MET: variants seen among roughly 807,000 people sequenced by gnomAD.
The protein encoded by MET is hepatocyte growth factor receptor.
In MET, 48 loss-of-function variants were observed where a neutral mutation model predicts 133.1. The ratio of observed to expected loss-of-function variants is 0.36; its 90% CI spans 0.29 to 0.46. MET has a LOEUF of 0.46. MET is among the 20% of genes least tolerant of loss of function. MET has a pLI of 1.00. For missense variants in MET, 1,442 were observed against 1,695.9 expected (o/e 0.85, Z 2.63); for synonymous variants, 628 against 616.5 (o/e 1.02, Z -0.28).
At chr7:116,741,067 G>GTTTTTTTTT in intron 5 of MET, 42 bp downstream of exon 5, 1 of 1,348,788 alleles carries the variant, frequency 7.4e-7, no homozygotes, top group South Asian at 1.3e-5. Context: ...TTTGTTTGGT[G>GTTTTTTTTT]TTTTTTTTTT....
Position 116,796,117 on chromosome 7 carries a change from C to T in MET, c.4166C>T (p.Thr1389Ile), listed in dbSNP as rs1204472220. 1.9e-6 allele frequency: 3 copies of T among 1,613,586 alleles called. No homozygotes were observed. Among genetic ancestry groups the T allele is most frequent in the East Asian group, 2.2e-5 (1 of 44,884 alleles). ...VDTRPASFWE[T>I]S ...ACACGACCAGCCTCCTTCTGGGAGA[C>T]ATCATAGTGCTAGTACTATGTCAAA... The change falls in exon 21 of 21, where the codon ACA (threonine) becomes ATA (isoleucine). Residue 1389 changes from threonine to isoleucine, a missense_variant. Transcript: ENST00000397752.
At chr7:116,752,608 C>T (rs1793967159) in intron 5 of MET, among the ~76,000 whole-genome samples, 1 of 152,172 alleles carries the variant, frequency 6.6e-6, no homozygotes, top group Admixed American at 6.5e-5. Context: ...AAATGCCCAG[C>T]CCAGAGAGAA....
At chr7:116,778,328 G>T (rs1266967070) in intron 16 of MET, among the ~76,000 whole-genome samples, 1 of 152,136 alleles carries the variant, frequency 6.6e-6, no homozygotes, top group Admixed American at 6.6e-5. Context: ...AACTTTATAT[G>T]GGACTTAATA....
chr7:116,767,268 A>G (rs2116972843), intron 11 of MET, among the ~76,000 whole-genome samples: 1 of 152,340 alleles, frequency 6.6e-6, no homozygotes, highest in East Asian at 1.9e-4. Flanking sequence ...GTGAATACTC[A>G]ATAGAAACAT....
rs2117111027 is a variant in MET, at chr7:116,795,930, C to T, written c.3979C>T (p.Arg1327Cys). 3 of 1,614,162 alleles carry T rather than the reference C, an allele frequency of 1.9e-6. No individual in the cohort carries two copies. The highest frequency in any genetic ancestry group is 2.2e-5 in the East Asian group (1 of 44,882). The change falls in exon 21 of 21, where the codon CGC (arginine) becomes TGC (cysteine). Residue 1327 changes from arginine to cysteine, a missense_variant. This residue lies in a region of MET where 94 missense variants were observed against 109.5 expected (regional missense o/e 0.86). Transcript: ENST00000397752. ...LKCWHPKAEM[R>C]PSFSELVSRI... ...ATGCTGGCACCCTAAAGCCGAAATG[C>T]GCCCATCCTTTTCTGAACTGGTGTC...
intron 1 of MET, among the ~76,000 whole-genome samples, chr7:116,673,115 T>A (rs965212785): frequency 6.6e-6 from 1 of 152,182 alleles, no homozygotes; most frequent in Non-Finnish European, 1.5e-5. Context: ...GTGGTGGACA[T>A]CTATCTTATT....
intron 3 of MET, among the ~76,000 whole-genome samples, chr7:116,735,818 C>A (rs1161781865): frequency 3.4e-5 from 5 of 149,204 alleles, no homozygotes; most frequent in African/African-American, 5.0e-5. Context: ...GCTCTGTTGC[C>A]CAGGCTGGAG....
At position 116,795,714 on chromosome 7, in the gene MET, C is replaced by T. The variant is rs41736; in HGVS notation, c.3858C>T (p.Asp1286=). 0.43 allele frequency: 697,641 copies of T among 1,613,762 alleles called. 156,030 individuals carry two copies. Among genetic ancestry groups the T allele is most frequent in the Admixed American group, 0.49 (29,564 of 59,982 alleles). Residue 1286 remains aspartate (D), a synonymous_variant, in exon 20 of 21, where the codon GAC becomes GAT. Coordinates refer to ENST00000397752, the MANE Select transcript of MET (RefSeq NM_000245.4). ...CAAGAGGAGCCCCACCTTATCCTGA[C>T]GTAAACACCTTTGATATAACTGTTT... ...LMTRGAPPYP[D]VNTFDITVYL...
Position 116,797,394 on chromosome 7 carries a change from G to A in MET, c.*1270G>A. On this transcript the variant is annotated 3_prime_UTR_variant, in exon 21 of 21. Coordinates refer to ENST00000397752, the MANE Select transcript of MET (RefSeq NM_000245.4). ...CAAGCAATTGGAAACAAAACTTTTG[G>A]GGAGTTTTATTTTGCATTAGGGTGT... 1 of 227,916 alleles carries A rather than the reference G, an allele frequency of 4.4e-6. No individual in the cohort carries two copies. The highest frequency in any genetic ancestry group is 6.3e-5 in the East Asian group (1 of 15,872). The allele number at this position is 227,916 out of a possible 1,614,324, so 14.1% of individuals were successfully genotyped here. A position where few individuals can be genotyped will look rare whatever the true frequency, so the allele number is the denominator to read the frequency against.
chr7:116,672,881 C>G (rs1419119600), intron 1 of MET, among the ~76,000 whole-genome samples: 2 of 152,140 alleles, frequency 1.3e-5, no homozygotes, highest in East Asian at 3.9e-4. Context: ...TGGGATCTGA[C>G]TCAGCCCTTA....
chr7:116,704,996 T>C (rs1791733572), intron 2 of MET, among the ~76,000 whole-genome samples: 1 of 152,040 alleles, frequency 6.6e-6, no homozygotes, highest in Non-Finnish European at 1.5e-5. Flanking sequence ...CCATCTCCGT[T>C]TCACAGAATG....
chr7:116,777,253 A>G (rs561187150), intron 15 of MET, 136 bp from the exon 16 acceptor site: 9 of 767,898 alleles, frequency 1.2e-5, no homozygotes, highest in South Asian at 1.1e-4. Flanking sequence ...TGGTATTGTT[A>G]AAAGTATTTT....
At chr7:116,717,361 G>A (rs568495386) in intron 2 of MET, among the ~76,000 whole-genome samples, 10 of 152,214 alleles carry the variant, frequency 6.6e-5, no homozygotes, top group African/African-American at 1.7e-4. Flanking sequence ...GCCTCCCTGC[G>A]TGCAGTCAGT....
At chr7:116,742,662 T>G (rs968142708) in intron 5 of MET, among the ~76,000 whole-genome samples, 1 of 152,246 alleles carries the variant, frequency 6.6e-6, no homozygotes, top group Non-Finnish European at 1.5e-5. Context: ...AAAAATAAAG[T>G]AAATATTTCA....
Position 116,796,308 on chromosome 7 carries a change from C to T in MET, c.*184C>T. Reference sequence around the variant, plus strand: ...TCTGACAGAGCATCAGAACCAGAGGCTTGGTCCCACAGGCCACGGACCAAT... The same window carrying T: ...TCTGACAGAGCATCAGAACCAGAGGTTTGGTCCCACAGGCCACGGACCAAT... On this transcript the variant is annotated 3_prime_UTR_variant, in exon 21 of 21. Transcript: ENST00000397752. 3 of 652,698 alleles carry T rather than the reference C, an allele frequency of 4.6e-6. No individual in the cohort carries two copies. The South Asian group carries it at 5.5e-5, about 12-fold the overall frequency. 40.4% of individuals were successfully genotyped at this position (652,698 alleles called of 1,614,324 possible).
rs1795708851 is a variant in MET, at chr7:116,797,364, C to T, written c.*1240C>T. 8.9e-6 allele frequency: 2 copies of T among 224,500 alleles called. No individual in the cohort carries two copies. Among genetic ancestry groups the T allele is most frequent in the Admixed American group, 1.2e-4 (2 of 17,182 alleles). The allele number at this position is 224,500 out of a possible 1,614,324, so 13.9% of individuals were successfully genotyped here. ...CCTCTGTCTCGGTGGCAGGTTCCCA[C>T]CTCGCAAGCAATTGGAAACAAAACT... is the stretch of plus-strand genomic sequence containing the variant. On this transcript the variant is annotated 3_prime_UTR_variant, in exon 21 of 21. Coordinates refer to ENST00000397752, the MANE Select transcript of MET (RefSeq NM_000245.4).
chr7:116,730,010 G>A (rs546362587), intron 2 of MET, among the ~76,000 whole-genome samples: 5 of 152,118 alleles, frequency 3.3e-5, no homozygotes, highest in East Asian at 1.9e-4. Flanking sequence ...TATAAATCAC[G>A]CAAGCAAATG....
intron 2 of MET, among the ~76,000 whole-genome samples, chr7:116,710,514 C>A (rs758603017): frequency 6.6e-6 from 1 of 152,058 alleles, no homozygotes; most frequent in Non-Finnish European, 1.5e-5. Context: ...ATTTTTTAGG[C>A]TGAGTAGGTA....
chr7:116,714,144 C>CA (rs1221055168), intron 2 of MET, among the ~76,000 whole-genome samples: 1 of 152,118 alleles, frequency 6.6e-6, no homozygotes, highest in Non-Finnish European at 1.5e-5. Context: ...GGCTGCTAAC[C>CA]AAAAACACAT....
Sources: gnomAD v4.1 joint callset for allele counts (sites outside exome capture counted in the v4.1 genomes callset) on GRCh38, gnomAD v4.1.1 for gene constraint, gnomAD v4.1.1 regional missense constraint, MANE v1.5 for transcripts, NCBI Gene and HGNC (gene_info 2026-07-23, HGNC 2026-07-21) for gene names.